ATL3: variants seen among roughly 807,000 people sequenced by gnomAD.
The protein encoded by ATL3 is atlastin GTPase 3, also known as atlastin-3.
Under a neutral mutation model 69.5 loss-of-function variants are expected in ATL3, and 49 were observed. The ratio of observed to expected loss-of-function variants is 0.71; its 90% confidence interval spans 0.56 to 0.89. The LOEUF (loss-of-function observed/expected upper bound fraction) is 0.89. ATL3 is among the 40% of genes least tolerant of loss of function. The pLI is 0.00. For synonymous variants in ATL3, 214 were observed against 224.1 expected, an observed-to-expected ratio of 0.95 and a Z score of 0.40; for missense variants, 606 against 645.7, an observed-to-expected ratio of 0.94 and a Z score of 0.67.
At position 63,631,052 on chromosome 11, in the gene ATL3, A is replaced by T. The variant is rs1939296550; in HGVS notation, c.1527T>A (p.Tyr509Ter). Residue 509 changes from tyrosine (Y) to a stop codon, truncating the protein, a stop_gained, in exon 12 of 13, where the codon TAT (tyrosine) becomes TAA (stop). Coordinates refer to ENST00000398868, the MANE Select transcript of ATL3 (RefSeq NM_015459.5). LOFTEE classifies it high-confidence loss of function. ...LGGAIDFGAAYVLEQASSHIG... is the reference protein window; with the variant it reads ...LGGAIDFGAA ...CAGCACCACTTACCTGCTCCAACAC[A>T]TATGCGGCACCAAAATCAATAGCTC... is the stretch of plus-strand genomic sequence containing the variant. 6.2e-7 allele frequency: 1 copy of T among 1,611,466 alleles called. No homozygotes were observed. The highest frequency in any genetic ancestry group is 1.3e-5 in the African/African-American group (1 of 74,844).
rs1236340824 is a variant in ATL3 at position 63,628,210 on chromosome 11, T to C, written c.*1109A>G. On this transcript the variant is annotated 3_prime_UTR_variant, in exon 13 of 13. Coordinates refer to ENST00000398868, the MANE Select transcript of ATL3 (RefSeq NM_015459.5). The stretch of plus-strand genomic sequence containing the variant: ...GACTTATCAGAGGTCACATGGTTCA[T>C]TTAAACTTAGCTTTTTTCTTGAAGT... 1 of 152,202 alleles carries C rather than the reference T, an allele frequency of 6.6e-6. No individual in the cohort carries two copies. Among genetic ancestry groups the C allele is most frequent in the Non-Finnish European group, 1.5e-5 (1 of 68,038 alleles). The allele number at this position is 152,202 out of a possible 1,614,324, so 9.4% of individuals were successfully genotyped here. A position where few individuals can be genotyped will look rare whatever the true frequency, so the allele number is the denominator to read the frequency against.
chr11:63,653,955 C>T (rs1305276736), intron 3 of ATL3, among the ~76,000 whole-genome samples: 1 of 152,222 alleles, frequency 6.6e-6, no homozygotes, highest in Admixed American at 6.5e-5. Flanking sequence ...ATGTACAACA[C>T]AATGAGTGAG....
chr11:63,632,216 A>G, intron 11 of ATL3: 1 of 650,116 alleles, frequency 1.5e-6, no homozygotes, highest in East Asian at 2.8e-5. Flanking sequence ...GAGTCTACAT[A>G]GAACTATGCT....
In ATL3 at chr11:63,631,053, T is replaced by G. The variant is rs1028638609; in HGVS notation, c.1526A>C (p.Tyr509Ser). The change falls in exon 12 of 13, where the codon TAT (tyrosine) becomes TCT (serine). Residue 509 changes from tyrosine (Y) to serine (S), a missense_variant. Physicochemically the swap from Tyr to Ser is moderately radical, Grantham distance 144. Transcript: ENST00000398868. ...LGGAIDFGAA[Y>S]VLEQASSHIG... ...AGCACCACTTACCTGCTCCAACACATATGCGGCACCAAAATCAATAGCTCC... is the reference window on the plus strand; with the variant it reads ...AGCACCACTTACCTGCTCCAACACAGATGCGGCACCAAAATCAATAGCTCC... The G allele has an allele frequency of 1.9e-6, 3 of 1,611,560 alleles. No individual in the cohort carries two copies. Among genetic ancestry groups the G allele is most frequent in the Non-Finnish European group, 2.5e-6 (3 of 1,178,652 alleles).
intron 8 of ATL3, among the ~76,000 whole-genome samples, chr11:63,642,291 A>T (rs1939724622): frequency 6.6e-6 from 1 of 152,204 alleles, no homozygotes; most frequent in Non-Finnish European, 1.5e-5. Flanking sequence ...GAGAAGTGAC[A>T]AATAAAAGGT....
intron 6 of ATL3, 37 bp downstream of exon 6, chr11:63,646,470 C>CA: frequency 7.5e-7 from 1 of 1,337,406 alleles, no homozygotes. Context: ...AAAACAAAAA[C>CA]AAAGGTATGA....
intron 8 of ATL3, among the ~76,000 whole-genome samples, chr11:63,637,122 C>A (rs887559869): frequency 2.0e-5 from 3 of 151,926 alleles, no homozygotes; most frequent in Admixed American, 2.0e-4. Flanking sequence ...ACTAAACATA[C>A]AAAAATTAGC....
intron 1 of ATL3, among the ~76,000 whole-genome samples, chr11:63,662,258 T>C (rs941955940): frequency 4.0e-5 from 6 of 151,482 alleles, no homozygotes; most frequent in Non-Finnish European, 8.8e-5. Flanking sequence ...CAGAGCCACT[T>C]AGTAGCTGTG....
chr11:63,639,679 T>TG (rs1939627697), intron 8 of ATL3, among the ~76,000 whole-genome samples: 1 of 152,110 alleles, frequency 6.6e-6, no homozygotes, highest in Non-Finnish European at 1.5e-5. Context: ...TGCTTGAGAC[T>TG]GGGAGTTAGA....
At chr11:63,635,645 CAT>C in intron 9 of ATL3, 55 bp from the exon 10 acceptor site, 1 of 1,366,118 alleles carries the variant, frequency 7.3e-7, no homozygotes, top group Non-Finnish European at 1.0e-6. Flanking sequence ...ATATCTTACT[CAT>C]ATTTAATTTT....
chr11:63,657,576 T>C (rs1254650526), intron 3 of ATL3, among the ~76,000 whole-genome samples: 1 of 152,192 alleles, frequency 6.6e-6, no homozygotes, highest in Non-Finnish European at 1.5e-5. Context: ...AAGTGAAAAC[T>C]GGGTAGAGAG....
chr11:63,636,501 G>A (rs1222826864), intron 8 of ATL3, among the ~76,000 whole-genome samples, 167 bp from the exon 9 acceptor site: 1 of 152,200 alleles, frequency 6.6e-6, no homozygotes, highest in Non-Finnish European at 1.5e-5. Context: ...CACTTTGGGA[G>A]GCCGAGGCAG....
intron 1 of ATL3, 131 bp downstream of exon 1, chr11:63,671,159 G>A (rs955582450): frequency 1.4e-6 from 2 of 1,402,330 alleles, no homozygotes; most frequent in Non-Finnish European, 1.9e-6. Context: ...GAGTGACCCC[G>A]GCGAGGGACG....
rs1376294355 is a variant in ATL3 at position 63,628,073 on chromosome 11, T to C, written c.*1246A>G. The stretch of plus-strand genomic sequence containing the variant: ...TCTAATCCTTAATAAAGTTCTGTTC[T>C]TATGCAGAACTCTCAAAAACAAAAC... On this transcript the variant is annotated 3_prime_UTR_variant, in exon 13 of 13. Transcript: ENST00000398868. 1 of 152,186 alleles carries C rather than the reference T, an allele frequency of 6.6e-6. No homozygotes were observed. The highest frequency in any genetic ancestry group is 1.5e-5 in the Non-Finnish European group (1 of 68,040). The allele number at this position is 152,186 out of a possible 1,614,324, so 9.4% of individuals were successfully genotyped here. A position where few individuals can be genotyped will look rare whatever the true frequency, so the allele number is the denominator to read the frequency against.
At position 63,636,233 on chromosome 11, in the gene ATL3, A is replaced by G; in HGVS notation, c.952T>C (p.Cys318Arg). The change falls in exon 9 of 13, where the codon TGT (cysteine) becomes CGT (arginine). Residue 318 changes from cysteine to arginine, a missense_variant. Physicochemically the swap from Cys to Arg is radical, Grantham distance 180. Transcript: ENST00000398868. ...EKEINGSKVT[C>R]RGLLEYFKAY... is the part of the protein sequence containing the mutation. ...TTAAAATACTCCAGTAGTCCCCGAC[A>G]GGTGACCTTTGAGCCATTGATCTCC... The G allele has an allele frequency of 6.2e-7, 1 of 1,614,202 alleles. No homozygotes were observed. The highest frequency in any genetic ancestry group is 8.5e-7 in the Non-Finnish European group (1 of 1,180,034).
chr11:63,649,524 AATTTT>A (rs557266868), intron 5 of ATL3, among the ~76,000 whole-genome samples: 101 of 151,626 alleles, frequency 6.7e-4, no homozygotes, highest in Non-Finnish European at 1.0e-3. Flanking sequence ...GTAGAAATAT[AATTTT>A]ATTTTCTTTT....
At chr11:63,639,096 C>CT (rs925223374) in intron 8 of ATL3, among the ~76,000 whole-genome samples, 3 of 151,962 alleles carry the variant, frequency 2.0e-5, no homozygotes, top group Admixed American at 6.6e-5. Flanking sequence ...AATGCCTACC[C>CT]TTTTTTTTAA....
At chr11:63,664,381 A>C (rs920840032) in intron 1 of ATL3, among the ~76,000 whole-genome samples, 1 of 151,868 alleles carries the variant, frequency 6.6e-6, no homozygotes, top group Non-Finnish European at 1.5e-5. Context: ...TCTACCAAAA[A>C]TATAAAAAAT....
At position 63,659,215 on chromosome 11, in the gene ATL3, C is replaced by T. The variant is rs1221962932; in HGVS notation, c.84G>A (p.Gln28=). The T allele has an allele frequency of 6.2e-7, 1 of 1,614,118 alleles. No homozygotes were observed. The highest frequency in any genetic ancestry group is 8.5e-7 in the Non-Finnish European group (1 of 1,180,018). ...GTTGATCTTTCTGAACCAAAACAACCTGCACTGGACCAGGCTTGCTGCTCT... is the reference window on the plus strand; with the variant it reads ...GTTGATCTTTCTGAACCAAAACAACTTGCACTGGACCAGGCTTGCTGCTCT... The part of the protein sequence containing the change: ...AMESSKPGPV[Q]VVLVQKDQHS... Residue 28 remains glutamine (Q), a synonymous_variant, in exon 2 of 13, where the codon CAG becomes CAA. Coordinates refer to ENST00000398868, the MANE Select transcript of ATL3 (RefSeq NM_015459.5).
Sources: gnomAD v4.1 joint callset for allele counts (sites outside exome capture counted in the v4.1 genomes callset) on GRCh38, gnomAD v4.1.1 for gene constraint, MANE v1.5 for transcripts, NCBI Gene and HGNC (gene_info 2026-07-23, HGNC 2026-07-21) for gene names.